KCTD8: variants seen among roughly 807,000 people sequenced by gnomAD.
KCTD8 encodes potassium channel tetramerization domain containing 8.
Under a neutral mutation model 31.5 loss-of-function variants are expected in KCTD8, and 27 were observed. The ratio of observed to expected loss-of-function variants is 0.86; its 90% CI spans 0.63 to 1.18. KCTD8 has a LOEUF of 1.18. KCTD8 is among the 50% of genes most tolerant of loss of function. KCTD8 has a pLI of 0.00. For missense variants in KCTD8, 658 were observed against 647.7 expected, an observed-to-expected ratio of 1.02 and a Z score of -0.17; for synonymous variants, 290 against 280.0, an observed-to-expected ratio of 1.04 and a Z score of -0.36.
intron 1 of KCTD8, among the ~76,000 whole-genome samples, chr4:44,411,660 G>A (rs1361382501): frequency 6.6e-6 from 1 of 152,012 alleles, no homozygotes; most frequent in Non-Finnish European, 1.5e-5. Flanking sequence ...TGTAGAAATG[G>A]AATTGGGATG....
At chr4:44,414,918 T>A (rs13135613) in intron 1 of KCTD8, among the ~76,000 whole-genome samples, 1 of 151,946 alleles carries the variant, frequency 6.6e-6, no homozygotes, top group East Asian at 1.9e-4. Flanking sequence ...GGGTAACAGG[T>A]GGAGATTAGA....
intron 1 of KCTD8, among the ~76,000 whole-genome samples, chr4:44,308,337 CT>C (rs965971092): frequency 3.2e-4 from 48 of 151,016 alleles, no homozygotes; most frequent in African/African-American, 9.2e-4. Flanking sequence ...ACAATGAACT[CT>C]TTTTTTTTCC....
At chr4:44,279,024 A>G (rs898509025) in intron 1 of KCTD8, among the ~76,000 whole-genome samples, 2 of 152,048 alleles carry the variant, frequency 1.3e-5, no homozygotes, top group Non-Finnish European at 2.9e-5. Context: ...GGAATCAAAT[A>G]ATTCTGGATC....
intron 1 of KCTD8, among the ~76,000 whole-genome samples, chr4:44,209,255 G>A (rs1023796954): frequency 3.3e-5 from 5 of 152,058 alleles, no homozygotes; most frequent in African/African-American, 9.7e-5. Context: ...ATGGGTTGGA[G>A]CACTTAATAA....
At chr4:44,427,230 C>T (rs1721370682) in intron 1 of KCTD8, among the ~76,000 whole-genome samples, 1 of 151,218 alleles carries the variant, frequency 6.6e-6, no homozygotes, top group Admixed American at 6.6e-5. Flanking sequence ...TAAGGGAAAA[C>T]CTTTACACAC....
At chr4:44,215,773 A>G (rs7691618) in intron 1 of KCTD8, among the ~76,000 whole-genome samples, 7,992 of 152,264 alleles carry the variant, frequency 0.052, 692 homozygotes, top group African/African-American at 0.18. Context: ...AAACTAGGGG[A>G]CCAATGTTAA....
chr4:44,307,972 C>T (rs551712097), intron 1 of KCTD8, among the ~76,000 whole-genome samples: 1 of 152,066 alleles, frequency 6.6e-6, no homozygotes, highest in South Asian at 2.1e-4. Flanking sequence ...CTGGAAGTTG[C>T]TTATAAACAT....
At chr4:44,256,081 T>C (rs555155691) in intron 1 of KCTD8, among the ~76,000 whole-genome samples, 1 of 151,870 alleles carries the variant, frequency 6.6e-6, no homozygotes, top group East Asian at 1.9e-4. Flanking sequence ...CAAGAGAGCA[T>C]GTGGAGGGGA....
At chr4:44,249,232 A>AT (rs970060542) in intron 1 of KCTD8, among the ~76,000 whole-genome samples, 7 of 151,832 alleles carry the variant, frequency 4.6e-5, no homozygotes, top group East Asian at 1.9e-4. Context: ...AGGTTAATGA[A>AT]TTTTTTCTCA....
At chr4:44,348,956 T>G (rs1719116283) in intron 1 of KCTD8, among the ~76,000 whole-genome samples, 1 of 152,140 alleles carries the variant, frequency 6.6e-6, no homozygotes, top group South Asian at 2.1e-4. Context: ...CAAATACATC[T>G]TTTTAGATAT....
chr4:44,177,528 T>C (rs575283817), intron 1 of KCTD8, among the ~76,000 whole-genome samples: 9 of 152,132 alleles, frequency 5.9e-5, no homozygotes, highest in African/African-American at 7.2e-5. Flanking sequence ...TGGGAGGTAA[T>C]TGAATCATGG....
At chr4:44,309,819 A>G (rs897557980) in intron 1 of KCTD8, among the ~76,000 whole-genome samples, 1 of 152,140 alleles carries the variant, frequency 6.6e-6, no homozygotes, top group Non-Finnish European at 1.5e-5. Context: ...TTTGATTCTA[A>G]GAGAATCCAT....
intron 1 of KCTD8, among the ~76,000 whole-genome samples, chr4:44,350,716 A>G (rs947894792): frequency 1.3e-5 from 2 of 152,316 alleles, no homozygotes; most frequent in Non-Finnish European, 2.9e-5. Context: ...GATAACCACT[A>G]ATTTATGAAA....
chr4:44,268,904 T>C (rs1214857205), intron 1 of KCTD8, among the ~76,000 whole-genome samples: 2 of 152,136 alleles, frequency 1.3e-5, no homozygotes, highest in African/African-American at 4.8e-5. Context: ...TACAAAGAAA[T>C]GGAAGAACAT....
intron 1 of KCTD8, among the ~76,000 whole-genome samples, chr4:44,373,346 C>T (rs1036581951): frequency 9.3e-5 from 14 of 151,058 alleles, no homozygotes; most frequent in Admixed American, 5.3e-4. Flanking sequence ...GGTGACAGAG[C>T]GAGACTCTGT....
chr4:44,335,584 A>T (rs191983614), intron 1 of KCTD8, among the ~76,000 whole-genome samples: 225 of 152,280 alleles, frequency 1.5e-3, no homozygotes, highest in African/African-American at 4.8e-3. Flanking sequence ...ATAACTCAGG[A>T]GATATTTTAA....
At chr4:44,284,269 A>T (rs9884695) in intron 1 of KCTD8, among the ~76,000 whole-genome samples, 2,838 of 152,300 alleles carry the variant, frequency 0.019, 85 homozygotes, top group African/African-American at 0.064. Flanking sequence ...TGGTACTGGT[A>T]CCAAAACAAA....
At chr4:44,237,236 T>C (rs994363762) in intron 1 of KCTD8, among the ~76,000 whole-genome samples, 4 of 147,096 alleles carry the variant, frequency 2.7e-5, no homozygotes, top group South Asian at 2.2e-4. Context: ...TTATGCTCCC[T>C]TTTTTTTTTA....
chr4:44,447,786 C>G lies in KCTD8; in HGVS notation c.738G>C (p.Glu246Asp). Reference sequence around the variant, plus strand: ...TCTCGTTGAGCGTGTCCCCGAAGACCTCCTTGGCCAGCGCGATGCGCCCGC... The same window carrying G: ...TCTCGTTGAGCGTGTCCCCGAAGACGTCCTTGGCCAGCGCGATGCGCCCGC... ...MVCGRIALAK[E>D]VFGDTLNESR... Residue 246 changes from glutamate to aspartate, a missense_variant, in exon 1 of 2, where the codon GAG becomes GAC. By Grantham distance (45) the Glu-to-Asp change is conservative. Coordinates refer to ENST00000360029, the MANE Select transcript of KCTD8 (RefSeq NM_198353.3). 3.1e-6 allele frequency: 5 copies of G among 1,608,556 alleles called. No individual in the cohort carries two copies. In the East Asian group the frequency reaches 1.1e-4, roughly 36 times the overall value.
Sources: allele counts gnomAD v4.1 joint callset (sites outside exome capture counted in the v4.1 genomes callset), GRCh38; gene constraint gnomAD v4.1.1; transcripts MANE v1.5; gene names NCBI Gene and HGNC (gene_info 2026-07-23, HGNC 2026-07-21).